Variants in GABRG3 observed in about 807,000 individuals in gnomAD.
GABRG3 encodes gamma-aminobutyric acid receptor subunit gamma-3.
A neutral mutation model predicts 48.8 loss-of-function variants in GABRG3; 25 were observed. The ratio of observed to expected loss-of-function variants is 0.51; its 90% CI spans 0.37 to 0.72. The LOEUF is 0.72. Among genes scored for constraint, GABRG3 ranks in the 30% least tolerant of loss-of-function variants. The pLI is 0.00. For synonymous variants in GABRG3, 227 were observed against 217.6 expected (o/e 1.04, Z -0.38); for missense variants, 394 against 577.9 (o/e 0.68, Z 3.26).
At chr15:27,327,309 C>G (rs553429991) in intron 4 of GABRG3, among the ~76,000 whole-genome samples, 2 of 152,224 alleles carry the variant, frequency 1.3e-5, no homozygotes, top group South Asian at 2.1e-4. Context: ...AGGTCCTCTC[C>G]CCTAGGAAAA....
chr15:27,477,877 C>A (rs4778144), intron 5 of GABRG3, among the ~76,000 whole-genome samples: 90,947 of 151,750 alleles, frequency 0.6, 27,556 homozygotes, highest in Non-Finnish European at 0.64. Context: ...CGTCTCTACC[C>A]AAAATACAAA....
chr15:27,162,423 A>G (rs1395813050), intron 3 of GABRG3, among the ~76,000 whole-genome samples: 4 of 152,192 alleles, frequency 2.6e-5, no homozygotes, highest in Admixed American at 6.5e-5. Context: ...ATGGGTCTGT[A>G]CAAAAGGATA....
chr15:27,420,903 C>T (rs191717973), intron 5 of GABRG3, among the ~76,000 whole-genome samples: 4 of 152,278 alleles, frequency 2.6e-5, no homozygotes, highest in Admixed American at 6.5e-5. Flanking sequence ...TAAATGTGCT[C>T]GGGGCTTGTG....
At chr15:27,501,728 G>A (rs529212529) in intron 6 of GABRG3, among the ~76,000 whole-genome samples, 1 of 152,184 alleles carries the variant, frequency 6.6e-6, no homozygotes, top group East Asian at 1.9e-4. Flanking sequence ...CATCCTTCAG[G>A]TATTTATAGC....
rs374377480 is a variant in GABRG3, at chr15:26,976,979, G to C, written c.54-23G>C. ...GAGCCATTGCTGCCACTTATATGTC[G>C]CATTTTTGTGCTGTAACTCCAGGTC... is the stretch of plus-strand genomic sequence containing the variant. On this transcript the variant is annotated intron_variant, in intron 1 of 9. Transcript: ENST00000615808. This position sits in a 1 kb window ranked among gnomAD's most constrained non-coding sequence, Gnocchi z 7.8. 2.5e-6 allele frequency: 4 copies of C among 1,613,398 alleles called. No homozygotes were observed. The Admixed American group carries it at 5.0e-5, about 20-fold the overall frequency.
chr15:27,430,321 A>T (rs1350182119), intron 5 of GABRG3, among the ~76,000 whole-genome samples: 1 of 152,224 alleles, frequency 6.6e-6, no homozygotes, highest in Non-Finnish European at 1.5e-5. Context: ...ATTGTATGGT[A>T]AATAAATAGT....
At chr15:27,484,156 G>A (rs1473888711) in intron 6 of GABRG3, among the ~76,000 whole-genome samples, 4 of 152,030 alleles carry the variant, frequency 2.6e-5, no homozygotes, top group South Asian at 2.1e-4. Context: ...GGCTGGTCTC[G>A]AACTCCTGAC....
chr15:27,296,360 A>G (rs2140489764), intron 3 of GABRG3, among the ~76,000 whole-genome samples: 1 of 152,310 alleles, frequency 6.6e-6, no homozygotes. Flanking sequence ...GTCATATACA[A>G]TAAGACAAGG....
chr15:27,442,025 C>G (rs192239229), intron 5 of GABRG3, among the ~76,000 whole-genome samples: 1 of 152,302 alleles, frequency 6.6e-6, no homozygotes, highest in African/African-American at 2.4e-5. Flanking sequence ...GAACCCAAGG[C>G]TAAGACCTAC....
At chr15:27,463,794 G>C (rs1889521303) in intron 5 of GABRG3, among the ~76,000 whole-genome samples, 1 of 152,158 alleles carries the variant, frequency 6.6e-6, no homozygotes, top group South Asian at 2.1e-4. Flanking sequence ...GCACTGTGCA[G>C]GGGGAGGCTG....
chr15:27,508,715 CTGT>C (rs754481321), intron 6 of GABRG3, among the ~76,000 whole-genome samples: 4 of 150,730 alleles, frequency 2.7e-5, no homozygotes, highest in African/African-American at 9.8e-5. Flanking sequence ...GTTGTTGTTG[CTGT>C]TGTTGTTGTT....
intron 9 of GABRG3, among the ~76,000 whole-genome samples, chr15:27,531,359 T>C (rs1187562963): frequency 1.3e-5 from 2 of 152,232 alleles, no homozygotes; most frequent in Non-Finnish European, 2.9e-5. Context: ...ACTATGAGCA[T>C]GTCCAATCAA....
intron 2 of GABRG3, among the ~76,000 whole-genome samples, chr15:26,988,087 C>T (rs1255106949): frequency 6.6e-6 from 1 of 152,146 alleles, no homozygotes; most frequent in Non-Finnish European, 1.5e-5. Context: ...AATATGGTCT[C>T]TCATGCTGTG....
At chr15:27,315,056 CATGTT>C (rs542199447) in intron 3 of GABRG3, among the ~76,000 whole-genome samples, 86 of 152,244 alleles carry the variant, frequency 5.6e-4, no homozygotes, top group Middle Eastern at 3.4e-3. Context: ...CAGTAGACCT[CATGTT>C]AAGTGTACTT....
chr15:27,021,968 G>A (rs987624041), intron 2 of GABRG3, among the ~76,000 whole-genome samples: 2 of 152,124 alleles, frequency 1.3e-5, no homozygotes, highest in Non-Finnish European at 2.9e-5. Flanking sequence ...GGTCCTTGTG[G>A]CCCTGGATGC....
chr15:27,498,493 A>T (rs997493186), intron 6 of GABRG3, among the ~76,000 whole-genome samples: 6 of 150,984 alleles, frequency 4.0e-5, no homozygotes, highest in Non-Finnish European at 7.4e-5. Context: ...TCTTTTTTTT[A>T]AATTAATTAA....
At chr15:27,248,803 C>CACACACAGAGAG (rs1377080195) in intron 3 of GABRG3, among the ~76,000 whole-genome samples, 45 of 110,236 alleles carry the variant, frequency 4.1e-4, no homozygotes, top group African/African-American at 1.7e-3. Context: ...CACACACACA[C>CACACACAGAGAG]AGAGAGAGAG....
In GABRG3 at chr15:27,527,900, G is replaced by A. The variant is rs376836729; in HGVS notation, c.1063-33G>A. On this transcript the variant is annotated intron_variant, in intron 8 of 9. Transcript: ENST00000615808. Reference sequence around the variant, plus strand: ...ATCTTGGATGCAAATGTTCATGACAGTTTCCTAGTTATTTTTTCTTCTTTT... The same window carrying A: ...ATCTTGGATGCAAATGTTCATGACAATTTCCTAGTTATTTTTTCTTCTTTT... 2.2e-5 allele frequency: 33 copies of A among 1,496,534 alleles called. No individual in the cohort carries two copies. The African/African-American group carries it at 4.4e-4, about 20-fold the overall frequency. The allele number at this position is 1,496,534 out of a possible 1,614,324, so 92.7% of individuals were successfully genotyped here.
At chr15:27,161,926 G>T (rs942433663) in intron 3 of GABRG3, among the ~76,000 whole-genome samples, 2 of 151,976 alleles carry the variant, frequency 1.3e-5, no homozygotes, top group Non-Finnish European at 2.9e-5. Context: ...CCAAATGACA[G>T]GCTCTTCAAA....
Sources: allele counts gnomAD v4.1 joint callset (sites outside exome capture counted in the v4.1 genomes callset), GRCh38; gene constraint gnomAD v4.1.1; non-coding constraint Gnocchi (gnomAD v3.1); transcripts MANE v1.5; gene names NCBI Gene and HGNC (gene_info 2026-07-23, HGNC 2026-07-21).